ZFP82: variants seen among roughly 807,000 people sequenced by gnomAD.
ZFP82 encodes the protein ZFP82 zinc finger protein.
In ZFP82, 30 loss-of-function variants were observed where a neutral mutation model predicts 54.0. The observed-to-expected ratio is 0.56, with a 90% CI of 0.42 to 0.75. The LOEUF is 0.75. Ranked by LOEUF, ZFP82 falls within the 30% of genes least tolerant of loss-of-function variation. The pLI, the probability that ZFP82 is intolerant of heterozygous loss-of-function variation, is 0.00. For missense variants in ZFP82, 500 were observed against 636.8 expected (o/e 0.79, Z 2.31); for synonymous variants, 194 against 209.5 (o/e 0.93, Z 0.64).
chr19:36,390,246 A>T lies in ZFP82; in HGVS notation c.*2495T>A, dbSNP rs1322997393. 1 of 152,116 alleles carries T rather than the reference A, an allele frequency of 6.6e-6. No individual in the cohort carries two copies. The highest frequency in any genetic ancestry group is 6.5e-5 in the Admixed American group (1 of 15,280). 9.4% of individuals were successfully genotyped at this position (152,116 alleles called of 1,614,324 possible). The stretch of plus-strand genomic sequence containing the variant: ...TAAAACAAATCCCAAGCGCATTTTA[A>T]CACAAGGATCCTAAAATGCTCCATA... On this transcript the variant is annotated 3_prime_UTR_variant, in exon 5 of 5. Transcript: ENST00000392161.
chr19:36,383,494 T>C (rs540071923), exon 2 of ZFP82: 1 of 152,184 alleles, frequency 6.6e-6, no homozygotes. Flanking sequence ...TTACACCAAG[T>C]AATTTTCATT....
intron 4 of ZFP82, among the ~76,000 whole-genome samples, chr19:36,404,883 A>G (rs986716627): frequency 1.3e-5 from 2 of 152,170 alleles, no homozygotes; most frequent in Non-Finnish European, 2.9e-5. Context: ...TTCAGCTGAC[A>G]CTATAAATGC....
chr19:36,396,444 G>C (rs1346454475), intron 4 of ZFP82, among the ~76,000 whole-genome samples: 2 of 151,958 alleles, frequency 1.3e-5, no homozygotes, highest in Admixed American at 1.3e-4. Flanking sequence ...TCAGGAGATC[G>C]AGACCATCCT....
chr19:36,413,893 T>C (rs1318140889), intron 1 of ZFP82, among the ~76,000 whole-genome samples: 1 of 148,264 alleles, frequency 6.7e-6, no homozygotes, highest in African/African-American at 2.5e-5. Flanking sequence ...AAAAATTATC[T>C]TCAATAATTT....
At chr19:36,405,381 C>T (rs1419191515) in intron 4 of ZFP82, among the ~76,000 whole-genome samples, 199 bp downstream of exon 4, 6 of 152,062 alleles carry the variant, frequency 3.9e-5, no homozygotes, top group African/African-American at 1.4e-4. Context: ...TATCCCCCAG[C>T]TAAGACCTTA....
intron 1 of ZFP82, among the ~76,000 whole-genome samples, chr19:36,410,258 ACT>A (rs1161263364): frequency 1.3e-5 from 2 of 151,588 alleles, no homozygotes; most frequent in South Asian, 2.1e-4. Context: ...TGGGCTCATC[ACT>A]CTCTCTTTCC....
chr19:36,402,718 G>T (rs748393484), intron 4 of ZFP82, among the ~76,000 whole-genome samples: 1 of 152,100 alleles, frequency 6.6e-6, no homozygotes, highest in Non-Finnish European at 1.5e-5. Context: ...TTTTGTGGCC[G>T]GGTGCGGTGG....
At position 36,391,879 on chromosome 19, in the gene ZFP82, T is replaced by C. The variant is rs181006398; in HGVS notation, c.*862A>G. 3 of 152,216 alleles carry C rather than the reference T, an allele frequency of 2.0e-5. No individual in the cohort carries two copies. The highest frequency in any genetic ancestry group is 2.9e-5 in the Non-Finnish European group (2 of 68,038). The allele number at this position is 152,216 out of a possible 1,614,324, so 9.4% of individuals were successfully genotyped here. ...AAGATTAAATGTTGGTGGAAGGCAT[T>C]TCTATACTCATTATGCCCACAGCCT... On this transcript the variant is annotated 3_prime_UTR_variant, in exon 5 of 5. Transcript: ENST00000392161.
intron 4 of ZFP82, among the ~76,000 whole-genome samples, chr19:36,402,128 T>G (rs1308287151): frequency 2.6e-5 from 4 of 152,200 alleles, no homozygotes; most frequent in Non-Finnish European, 4.4e-5. Flanking sequence ...ACATTTTGAG[T>G]GTTAATAATT....
chr19:36,393,320 A>G lies in ZFP82; in HGVS notation c.1020T>C (p.Cys340=), dbSNP rs766697278. 1.2e-6 allele frequency: 2 copies of G among 1,613,954 alleles called. No individual in the cohort carries two copies. The highest frequency in any genetic ancestry group is 2.7e-5 in the African/African-American group (2 of 74,874). ...CTCTAAAGGCCTTCCCGCATTCCTTACATTCATAGGGTTTCTCACCAGTAT... is the reference window on the plus strand; with the variant it reads ...CTCTAAAGGCCTTCCCGCATTCCTTGCATTCATAGGGTTTCTCACCAGTAT... The part of the protein sequence containing the change: ...KLHTGEKPYE[C]KECGKAFRVR... Residue 340 remains cysteine, a synonymous_variant, in exon 5 of 5, where the codon TGT becomes TGC. Coordinates refer to ENST00000392161, the MANE Select transcript of ZFP82 (RefSeq NM_133466.4).
Position 36,393,508 on chromosome 19 carries a change from C to A in ZFP82, c.832G>T (p.Gly278Cys). ...TCTTTACACACATAGGGTTTCTCAC[C>A]AGTATGAATCCTCTGATGCAGAGTA... is the stretch of plus-strand genomic sequence containing the variant. ...QLTLHQRIHT[G>C]EKPYVCKECG... is the part of the protein sequence containing the mutation. Residue 278 changes from glycine to cysteine, a missense_variant, in exon 5 of 5, where the codon GGT (glycine) becomes TGT (cysteine). Physicochemically the swap from Gly to Cys is radical, Grantham distance 159. Coordinates refer to ENST00000392161, the MANE Select transcript of ZFP82 (RefSeq NM_133466.4). The A allele has an allele frequency of 6.2e-7, 1 of 1,614,142 alleles. No homozygotes were observed. Among genetic ancestry groups the A allele is most frequent in the South Asian group, 1.1e-5 (1 of 91,084 alleles).
At chr19:36,396,781 C>CAGTG (rs1226184791) in intron 4 of ZFP82, among the ~76,000 whole-genome samples, 4 of 151,056 alleles carry the variant, frequency 2.6e-5, no homozygotes, top group Non-Finnish European at 5.9e-5. Flanking sequence ...GTCAAGGCTG[C>CAGTG]AGTGAGCTCT....
chr19:36,406,112 CTATT>C (rs534941845), intron 3 of ZFP82, among the ~76,000 whole-genome samples: 3 of 152,144 alleles, frequency 2.0e-5, no homozygotes, highest in Non-Finnish European at 4.4e-5. Flanking sequence ...ATACCAAACA[CTATT>C]TATATTTCAT....
intron 1 of ZFP82, among the ~76,000 whole-genome samples, chr19:36,414,864 C>T (rs867297845): frequency 1.3e-5 from 2 of 150,856 alleles, no homozygotes; most frequent in Non-Finnish European, 2.9e-5. Context: ...TCCTGTTGCC[C>T]GGGCTGGAAT....
intron 1 of ZFP82, among the ~76,000 whole-genome samples, chr19:36,418,141 C>T (rs2032704667): frequency 6.6e-6 from 1 of 152,084 alleles, no homozygotes. Context: ...TGGTCTCGAA[C>T]TCCTGGCTTC....
intron 1 of ZFP82, among the ~76,000 whole-genome samples, chr19:36,412,819 G>A (rs1240457624): frequency 6.6e-6 from 1 of 152,180 alleles, no homozygotes; most frequent in Non-Finnish European, 1.5e-5. Flanking sequence ...ACAATCAGCT[G>A]TCTGCTTCCC....
rs370159081 is a variant in ZFP82, at chr19:36,393,388, C to G, written c.952G>C (p.Ala318Pro). 21 of 1,613,904 alleles carry G rather than the reference C, an allele frequency of 1.3e-5. No individual in the cohort carries two copies. The highest frequency in any genetic ancestry group is 1.7e-5 in the Non-Finnish European group (20 of 1,180,016). Residue 318 changes from alanine (A) to proline (P), a missense_variant, in exon 5 of 5, where the codon GCC becomes CCC. Transcript: ENST00000392161. ...RLYECKECGK[A>P]FLCGSGLRVH... ...CTAAGACCAGAGCCACACAAAAAGG[C>G]CTTCCCACATTCTTTGCATTCATAG...
At position 36,407,997 on chromosome 19, in the gene ZFP82, C is replaced by T. The variant is rs1215943916; in HGVS notation, c.26G>A (p.Ser9Asn). 1 of 1,613,594 alleles carries T rather than the reference C, an allele frequency of 6.2e-7. No homozygotes were observed. The highest frequency in any genetic ancestry group is 1.7e-5 in the Admixed American group (1 of 59,844). Residue 9 changes from serine to asparagine, a missense_variant, in exon 3 of 5, where the codon AGT becomes AAT. By Grantham distance (46) the Ser-to-Asn change is conservative. Transcript: ENST00000392161. ...TGGAGAGAAGTCTATGGATACATCA[C>T]TGAACATCACTGATCGCTGAAATGA... is the stretch of plus-strand genomic sequence containing the variant. Reference protein sequence around the residue: MALRSVMFSDVSIDFSPEE... With the variant: MALRSVMFNDVSIDFSPEE...
At chr19:36,388,081 T>G (rs1413269532), downstream of ZFP82, among the ~76,000 whole-genome samples, 1 of 152,266 alleles carries the variant, frequency 6.6e-6, no homozygotes, top group Non-Finnish European at 1.5e-5. Context: ...CATGTCATTT[T>G]TTGTAACATT....
Sources: gnomAD v4.1 joint callset for allele counts (sites outside exome capture counted in the v4.1 genomes callset) on GRCh38, gnomAD v4.1.1 for gene constraint, MANE v1.5 for transcripts, NCBI Gene and HGNC (gene_info 2026-07-23, HGNC 2026-07-21) for gene names.